Variants in RUNX2 observed in about 807,000 individuals in gnomAD.
RUNX2 encodes the protein runt-related transcription factor 2.
Under a neutral mutation model 51.7 loss-of-function variants are expected in RUNX2, and 10 were observed. The observed-to-expected ratio is 0.19, with a 90% CI of 0.12 to 0.33. RUNX2 has a LOEUF of 0.33. Among genes scored for constraint, RUNX2 ranks in the 10% least tolerant of loss-of-function variants. The pLI is 1.00. For synonymous variants in RUNX2, 276 were observed against 273.6 expected (o/e 1.01, Z -0.09); for missense variants, 562 against 691.3 (o/e 0.81, Z 2.10).
chr6:45,475,893 AT>A (rs1169418100), intron 5 of RUNX2, among the ~76,000 whole-genome samples: 1 of 152,260 alleles, frequency 6.6e-6, no homozygotes, highest in Non-Finnish European at 1.5e-5. Context: ...TTACAAAACG[AT>A]GATAATCATG....
chr6:45,505,290 C>T (rs183648454), intron 6 of RUNX2, among the ~76,000 whole-genome samples: 114 of 152,232 alleles, frequency 7.5e-4, no homozygotes, highest in Admixed American at 2.4e-3. Context: ...CTGCTGCCCC[C>T]ACTCAAACTT....
chr6:45,354,584 G>A (rs1199492119), intron 2 of RUNX2, among the ~76,000 whole-genome samples: 1 of 151,436 alleles, frequency 6.6e-6, no homozygotes, highest in East Asian at 1.9e-4. Context: ...TGCATTTAAG[G>A]CTTCCTGATT....
chr6:45,464,352 A>G (rs1291114020), intron 5 of RUNX2, among the ~76,000 whole-genome samples: 2 of 152,334 alleles, frequency 1.3e-5, no homozygotes, highest in East Asian at 1.9e-4. Flanking sequence ...TTTCAAATGA[A>G]TAAGTGAACT....
chr6:45,542,160 C>T (rs1400020769), intron 7 of RUNX2, among the ~76,000 whole-genome samples: 1 of 152,072 alleles, frequency 6.6e-6, no homozygotes, highest in Non-Finnish European at 1.5e-5. Flanking sequence ...GTTTGATTCC[C>T]TCTTATCTTG....
At chr6:45,360,240 T>C (rs528866859) in intron 2 of RUNX2, among the ~76,000 whole-genome samples, 28 of 152,236 alleles carry the variant, frequency 1.8e-4, no homozygotes, top group Admixed American at 1.8e-3. Context: ...CTTTCGTCTA[T>C]AAAAGGGGAA....
chr6:45,426,389 G>A (rs764743270), intron 3 of RUNX2, among the ~76,000 whole-genome samples: 1 of 152,124 alleles, frequency 6.6e-6, no homozygotes, highest in African/African-American at 2.4e-5. Context: ...GAAGTAATTT[G>A]CAAATTCAGC....
At chr6:45,390,320 T>C (rs1797444228) in intron 2 of RUNX2, among the ~76,000 whole-genome samples, 1 of 152,040 alleles carries the variant, frequency 6.6e-6, no homozygotes, top group Non-Finnish European at 1.5e-5. Flanking sequence ...GTCAAGGGGG[T>C]CAAACCCCAA....
At chr6:45,464,719 C>T (rs16873428) in intron 5 of RUNX2, among the ~76,000 whole-genome samples, 6,518 of 152,272 alleles carry the variant, frequency 0.043, 478 homozygotes, top group African/African-American at 0.15. Flanking sequence ...TGTTCATTCA[C>T]TTTTCTCATT....
In RUNX2 at chr6:45,505,832, G is replaced by A. The variant is rs115366117; in HGVS notation, c.860-6414G>A. Among the ~76,000 whole-genome samples the A allele has an allele frequency of 6.1e-3, 930 of 152,228 alleles. 5 individuals carry two copies. The highest frequency in any genetic ancestry group is 0.021 in the African/African-American group (854 of 41,524). On this transcript the variant is annotated intron_variant, in intron 6 of 8. Transcript: ENST00000647337. The stretch of plus-strand genomic sequence containing the variant: ...CCCTAGAAGGAGAACTTATAAAATC[G>A]ATTCTGACATTGGTGCTCCATGGTT...
chr6:45,334,609 C>A (rs1002727114), intron 2 of RUNX2, among the ~76,000 whole-genome samples: 2 of 151,046 alleles, frequency 1.3e-5, no homozygotes, highest in African/African-American at 4.8e-5. Context: ...TGTATTTTTA[C>A]ACCGAAACAA....
rs768569177 is a variant in RUNX2 at position 45,422,720 on chromosome 6, G to A, written c.186G>A (p.Gln62=). The change falls in exon 3 of 9, where the codon CAG becomes CAA. Residue 62 remains glutamine (Q), a synonymous_variant. Coordinates refer to ENST00000647337, the MANE Select transcript of RUNX2 (RefSeq NM_001024630.4). ...AGCAGCAGCAGCAACAGCAGCAGCA[G>A]CAGCAGCAACAGCAGCAGCAGCAGC... ...QQQQQQQQQQ[Q]QQQQQQQQQE... 3.8e-5 allele frequency: 61 copies of A among 1,593,068 alleles called. No individual in the cohort carries two copies. The highest frequency in any genetic ancestry group is 5.1e-5 in the Non-Finnish European group (60 of 1,171,616).
Position 45,328,579 on chromosome 6 carries a change from A to AT in RUNX2, c.-66-82_-66-81insT, listed in dbSNP as rs1786815080. 5.1e-6 allele frequency: 8 copies of AT among 1,581,740 alleles called. No homozygotes were observed. In the East Asian group the frequency reaches 1.6e-4, roughly 31 times the overall value. On this transcript the variant is annotated intron_variant, in intron 1 of 8. Coordinates refer to ENST00000647337, the MANE Select transcript of RUNX2 (RefSeq NM_001024630.4). ...GTTACCAGCTACATAATTTCTTGAC[A>AT]GAAAAAAATAAATATAAAGTCTATG... is the stretch of plus-strand genomic sequence containing the variant.
intron 7 of RUNX2, among the ~76,000 whole-genome samples, chr6:45,532,596 G>GA (rs1436087398): frequency 6.6e-6 from 1 of 151,872 alleles, no homozygotes; most frequent in East Asian, 1.9e-4. Context: ...TGAAGAAGAA[G>GA]AAAAAAAATG....
At chr6:45,515,996 A>G (rs976246019) in intron 7 of RUNX2, among the ~76,000 whole-genome samples, 1 of 152,152 alleles carries the variant, frequency 6.6e-6, no homozygotes, top group Non-Finnish European at 1.5e-5. Flanking sequence ...CTACCTAAAG[A>G]CCTTCAGAGA....
chr6:45,526,016 C>G (rs1801667285), intron 7 of RUNX2, among the ~76,000 whole-genome samples: 1 of 151,832 alleles, frequency 6.6e-6, no homozygotes, highest in South Asian at 2.1e-4. Context: ...CTAAATACCA[C>G]CATCAATAAT....
intron 2 of RUNX2, among the ~76,000 whole-genome samples, chr6:45,362,932 TTTTAA>T (rs894403545): frequency 4.0e-5 from 6 of 151,626 alleles, no homozygotes; most frequent in Non-Finnish European, 5.9e-5. Flanking sequence ...ACTCTACAGC[TTTTAA>T]TTTAATTTTT....
At chr6:45,528,923 A>T (rs1801758472) in intron 7 of RUNX2, among the ~76,000 whole-genome samples, 1 of 152,244 alleles carries the variant, frequency 6.6e-6, no homozygotes, top group Admixed American at 6.5e-5. Context: ...ACTTGAATTG[A>T]TAAGGGATGA....
chr6:45,403,273 G>T (rs1582075160), intron 2 of RUNX2, among the ~76,000 whole-genome samples: 2 of 103,212 alleles, frequency 1.9e-5, no homozygotes, highest in East Asian at 2.8e-4. Flanking sequence ...TGCTCTTGTT[G>T]CCCAGGCTGG....
intron 2 of RUNX2, among the ~76,000 whole-genome samples, chr6:45,404,288 G>A (rs143023682): frequency 9.8e-3 from 1,016 of 103,974 alleles, no homozygotes; most frequent in Middle Eastern, 0.022. Context: ...AAAGAAAAAA[G>A]AAAAAAAAAA....
Sources: allele counts gnomAD v4.1 joint callset (sites outside exome capture counted in the v4.1 genomes callset), GRCh38; gene constraint gnomAD v4.1.1; transcripts MANE v1.5; gene names NCBI Gene and HGNC (gene_info 2026-07-23, HGNC 2026-07-21).